Variants in ERC1 observed in about 807,000 individuals in gnomAD.
ERC1 encodes ELKS/RAB6-interacting/CAST family member 1.
A neutral mutation model predicts 132.0 loss-of-function variants in ERC1; 56 were observed. The observed-to-expected ratio is 0.42, with a 90% CI of 0.34 to 0.53. The LOEUF is 0.53. Among genes scored for constraint, ERC1 ranks in the 20% least tolerant of loss-of-function variants. The probability of loss-of-function intolerance (pLI) is 0.03; values close to 1 mark genes in which losing one functional copy is unlikely to be tolerated. For missense variants in ERC1, 1,202 were observed against 1,349.9 expected (o/e 0.89, Z 1.72); for synonymous variants, 478 against 476.1 (o/e 1.00, Z -0.05).
At position 1,464,726 on chromosome 12, in the gene ERC1, T is replaced by C. The variant is rs552852748; in HGVS notation, c.3213+19976T>C. On this transcript the variant is annotated intron_variant, in intron 18 of 18. Transcript: ENST00000360905. ...AGTAAGAGACAGGGTTTCACCGTGT[T>C]AGCCAGGGTGGTCTCGATCTCTTGA... 9.2e-5 allele frequency among the ~76,000 whole-genome samples: 14 copies of C among 151,856 alleles called. No individual in the cohort carries two copies. The South Asian group carries it at 2.7e-3, about 29-fold the overall frequency.
intron 2 of ERC1, among the ~76,000 whole-genome samples, chr12:1,045,046 A>G (rs1970868889): frequency 6.6e-6 from 1 of 152,084 alleles, no homozygotes; most frequent in Non-Finnish European, 1.5e-5. Context: ...AAATAATTTA[A>G]AATACGTGCT....
At chr12:1,298,145 T>A (rs1168769473) in intron 15 of ERC1, among the ~76,000 whole-genome samples, 5 of 152,208 alleles carry the variant, frequency 3.3e-5, no homozygotes, top group Non-Finnish European at 7.3e-5. Flanking sequence ...TACGAAGTGT[T>A]CGATGTGAAG....
At chr12:1,487,559 GAAATACAA>G (rs2094245593) in intron 18 of ERC1, among the ~76,000 whole-genome samples, 2 of 105,550 alleles carry the variant, frequency 1.9e-5, no homozygotes, top group East Asian at 4.3e-4. Flanking sequence ...AAAGAAAAGA[GAAATACAA>G]AAATTAGCCA....
intron 2 of ERC1, among the ~76,000 whole-genome samples, chr12:1,040,691 A>G (rs1168124976): frequency 6.6e-6 from 1 of 152,154 alleles, no homozygotes; most frequent in Non-Finnish European, 1.5e-5. Flanking sequence ...TATTAACAAT[A>G]CTTACTGAAC....
At chr12:1,122,738 G>A (rs12315092) in intron 7 of ERC1, among the ~76,000 whole-genome samples, 1,205 of 5,414 alleles carry the variant, frequency 0.22, 49 homozygotes, top group East Asian at 0.49. Context: ...AGGACTGGGT[G>A]CTATGAAAAG....
At chr12:1,050,647 C>G (rs1321939115) in intron 2 of ERC1, among the ~76,000 whole-genome samples, 1 of 152,118 alleles carries the variant, frequency 6.6e-6, no homozygotes, top group African/African-American at 2.4e-5. Flanking sequence ...TTTTAAAAAA[C>G]TGAATCTTAT....
intron 2 of ERC1, among the ~76,000 whole-genome samples, chr12:1,074,594 C>A (rs1437983643): frequency 6.6e-6 from 1 of 152,134 alleles, no homozygotes; most frequent in Non-Finnish European, 1.5e-5. Context: ...CTGCACCCGA[C>A]CACATTTTCA....
At chr12:1,072,071 A>T (rs1940476463) in intron 2 of ERC1, among the ~76,000 whole-genome samples, 1 of 151,394 alleles carries the variant, frequency 6.6e-6, no homozygotes, top group African/African-American at 2.4e-5. Flanking sequence ...ACTACACTCC[A>T]GCCTGGGCAG....
At chr12:1,455,670 C>T (rs1198489288) in intron 18 of ERC1, among the ~76,000 whole-genome samples, 1 of 152,196 alleles carries the variant, frequency 6.6e-6, no homozygotes, top group Non-Finnish European at 1.5e-5. Flanking sequence ...GTTAGTGGCT[C>T]TTAAGAAACT....
At chr12:1,041,420 T>C (rs1192844345) in intron 2 of ERC1, among the ~76,000 whole-genome samples, 2 of 152,172 alleles carry the variant, frequency 1.3e-5, no homozygotes, top group Non-Finnish European at 2.9e-5. Flanking sequence ...TTGGCCAGGC[T>C]GGTCTGGAAC....
At position 1,425,646 on chromosome 12, in the gene ERC1, G is replaced by A. The variant is rs116517753; in HGVS notation, c.3024+17399G>A. Among the ~76,000 whole-genome samples the A allele has an allele frequency of 3.8e-3, 580 of 152,268 alleles. 4 individuals are homozygous for A. Among genetic ancestry groups the A allele is most frequent in the African/African-American group, 0.013 (559 of 41,544 alleles). ...TGTGAGACAATGTTGATCTGTTTAC[G>A]TCACTTAGAGCTTTCAGCACATCCT... On this transcript the variant is annotated intron_variant, in intron 17 of 18. Coordinates refer to ENST00000360905, the MANE Select transcript of ERC1 (RefSeq NM_178040.4).
rs114074476 is a variant in ERC1 at position 1,330,081 on chromosome 12, T to A, written c.2780+40069T>A. 6.1e-3 allele frequency among the ~76,000 whole-genome samples: 925 copies of A among 152,342 alleles called. 9 individuals are homozygous for A. The highest frequency in any genetic ancestry group is 0.021 in the African/African-American group (883 of 41,578). ...GTTTTATGGCTAAGAACCAGTATCA[T>A]CTGTTATTTAACTAGGAAGTACAAG... On this transcript the variant is annotated intron_variant, in intron 15 of 18. Transcript: ENST00000360905.
intron 1 of ERC1, among the ~76,000 whole-genome samples, chr12:995,149 C>G (rs950266445): frequency 5.3e-5 from 8 of 151,728 alleles, no homozygotes; most frequent in Non-Finnish European, 1.0e-4. Flanking sequence ...CTCAGCTACT[C>G]AGGAGACTGA....
At chr12:1,285,659 T>A (rs1360232074) in intron 14 of ERC1, among the ~76,000 whole-genome samples, 5 of 152,068 alleles carry the variant, frequency 3.3e-5, no homozygotes, top group African/African-American at 1.2e-4. Context: ...GTAATAAAAA[T>A]TTTTCCTACA....
chr12:1,016,644 T>C (rs1428818976), intron 1 of ERC1, among the ~76,000 whole-genome samples: 11 of 150,960 alleles, frequency 7.3e-5, no homozygotes, highest in African/African-American at 2.4e-4. Flanking sequence ...TCTTTTTTTT[T>C]TTTTTTTTGA....
intron 15 of ERC1, among the ~76,000 whole-genome samples, chr12:1,311,809 CT>C (rs1222903347): frequency 6.6e-6 from 1 of 152,084 alleles, no homozygotes; most frequent in African/African-American, 2.4e-5. Context: ...CATGCTTTGT[CT>C]TTTTTTCTAT....
chr12:1,101,785 G>C (rs1171395699), intron 3 of ERC1, among the ~76,000 whole-genome samples: 1 of 152,184 alleles, frequency 6.6e-6, no homozygotes, highest in East Asian at 1.9e-4. Context: ...AAAGGTAATA[G>C]TTGAAACCAT....
chr12:1,322,181 A>G (rs117691046), intron 15 of ERC1, among the ~76,000 whole-genome samples: 1 of 152,156 alleles, frequency 6.6e-6, no homozygotes, highest in Admixed American at 6.5e-5. Flanking sequence ...ACCAAGTTTT[A>G]TCACTTAAAA....
chr12:1,491,783 A>C lies in ERC1; in HGVS notation c.*1553A>C, dbSNP rs567324770. 3 of 232,122 alleles carry C rather than the reference A, an allele frequency of 1.3e-5. No homozygotes were observed. The East Asian group carries it at 1.8e-4, about 14-fold the overall frequency. 14.4% of individuals were successfully genotyped at this position (232,122 alleles called of 1,614,324 possible). A position where few individuals can be genotyped will look rare whatever the true frequency, so the allele number is the denominator to read the frequency against. ...TCAGAAAGCTGACCCCAAGACTGCA[A>C]ATCAATGAAGGTATTGGCATTGTTA... On this transcript the variant is annotated 3_prime_UTR_variant, in exon 19 of 19. Transcript: ENST00000360905.
Sources: gnomAD v4.1 joint callset for allele counts (sites outside exome capture counted in the v4.1 genomes callset) on GRCh38, gnomAD v4.1.1 for gene constraint, MANE v1.5 for transcripts, NCBI Gene and HGNC (gene_info 2026-07-23, HGNC 2026-07-21) for gene names.